Variants in ALG8 observed in about 807,000 individuals in gnomAD.
ALG8 encodes the protein dolichyl pyrophosphate Glc1Man9GlcNAc2 alpha-1,3-glucosyltransferase.
A neutral mutation model predicts 70.2 loss-of-function variants in ALG8; 48 were observed. The ratio of observed to expected loss-of-function variants is 0.68; its 90% CI spans 0.54 to 0.87. The LOEUF (loss-of-function observed/expected upper bound fraction) is 0.87. ALG8 is among the 40% of genes least tolerant of loss of function. ALG8 has a pLI of 0.00. For missense variants in ALG8, 572 were observed against 608.7 expected (o/e 0.94, Z 0.64); for synonymous variants, 234 against 229.0 (o/e 1.02, Z -0.20).
At position 78,114,410 on chromosome 11, in the gene ALG8, GA is replaced by G; in HGVS notation, c.547-19del. On this transcript the variant is annotated intron_variant, in intron 5 of 12. Coordinates refer to ENST00000299626, the MANE Select transcript of ALG8 (RefSeq NM_024079.5). Reference sequence around the variant, plus strand: ...TGCCTTTTCTAGGAGATTTAAAAGGGAAATATCACTTTAAAATTCAGGGTAA... The same window carrying G: ...TGCCTTTTCTAGGAGATTTAAAAGGGAATATCACTTTAAAATTCAGGGTAA... 6.2e-7 allele frequency: 1 copy of G among 1,613,096 alleles called. No individual in the cohort carries two copies.
chr11:78,116,904 T>C (rs573085902), intron 5 of ALG8, among the ~76,000 whole-genome samples: 1 of 152,292 alleles, frequency 6.6e-6, no homozygotes, highest in Admixed American at 6.5e-5. Flanking sequence ...AGAGTGGGAA[T>C]GCTTCTAGGT....
chr11:78,124,272 G>A, intron 2 of ALG8, 58 bp from the exon 3 acceptor site: 2 of 1,560,622 alleles, frequency 1.3e-6, no homozygotes, highest in Non-Finnish European at 1.8e-6. Flanking sequence ...CAAAGATGGT[G>A]CAACGATTTA....
At chr11:78,118,018 C>G (rs1002641130) in intron 5 of ALG8, among the ~76,000 whole-genome samples, 1 of 150,386 alleles carries the variant, frequency 6.6e-6, no homozygotes, top group Non-Finnish European at 1.5e-5. Flanking sequence ...TTGCAGTGAG[C>G]CAAGATCGCG....
At chr11:78,116,198 A>G (rs1268228244) in intron 5 of ALG8, among the ~76,000 whole-genome samples, 1 of 152,106 alleles carries the variant, frequency 6.6e-6, no homozygotes, top group Non-Finnish European at 1.5e-5. Context: ...TGTCTCTACT[A>G]AAAATACAAA....
intron 1 of ALG8, chr11:78,139,204 G>C: frequency 2.2e-6 from 1 of 457,706 alleles, no homozygotes; most frequent in Non-Finnish European, 4.0e-6. Context: ...AATACTGGCT[G>C]AATGGCTGTT....
chr11:78,113,919 A>G lies in ALG8; in HGVS notation c.744T>C (p.Val248=). The part of the protein sequence containing the change: ...VISLGLVVFL[V]SALSLGPFLA... ...GGAAAGGACCCAATGAAAGAGCAGAAACTAAGAAAACAACCAGTCCCAGGG... is the reference window on the plus strand; with the variant it reads ...GGAAAGGACCCAATGAAAGAGCAGAGACTAAGAAAACAACCAGTCCCAGGG... Residue 248 remains valine (V), a synonymous_variant, in exon 7 of 13, where the codon GTT becomes GTC. Coordinates refer to ENST00000299626, the MANE Select transcript of ALG8 (RefSeq NM_024079.5). The G allele has an allele frequency of 1.2e-6, 2 of 1,606,440 alleles. No homozygotes were observed. The highest frequency in any genetic ancestry group is 1.7e-6 in the Non-Finnish European group (2 of 1,176,484).
chr11:78,124,022 C>CA lies in ALG8; in HGVS notation c.366dup (p.Glu123Ter). The CA allele has an allele frequency of 6.2e-7, 1 of 1,614,110 alleles. No individual in the cohort carries two copies. The highest frequency in any genetic ancestry group is 8.5e-7 in the Non-Finnish European group (1 of 1,180,022). ...CAAAATGACATGCTCCAGACTTACT[C>CA]ACGGACAGCATACACAAAGAGTACA... On this transcript the variant is annotated frameshift_variant and splice_region_variant, in exon 3 of 13. Transcript: ENST00000299626. LOFTEE classifies it high-confidence loss of function.
At chr11:78,104,747 T>C (rs1241520556) in intron 10 of ALG8, among the ~76,000 whole-genome samples, 1 of 152,158 alleles carries the variant, frequency 6.6e-6, no homozygotes, top group Non-Finnish European at 1.5e-5. Flanking sequence ...GAGGATCACC[T>C]GAGGTCAGGA....
intron 1 of ALG8, among the ~76,000 whole-genome samples, chr11:78,134,217 A>C (rs1357135858): frequency 1.3e-5 from 2 of 151,076 alleles, no homozygotes; most frequent in African/African-American, 4.9e-5. Flanking sequence ...GGCTCACTAC[A>C]ACCTTCGCCT....
chr11:78,102,658 A>G (rs1859843886), intron 12 of ALG8, among the ~76,000 whole-genome samples: 1 of 152,194 alleles, frequency 6.6e-6, no homozygotes, highest in Admixed American at 6.5e-5. Context: ...GCAAGCTTTA[A>G]AAAATTACAG....
Position 78,139,498 on chromosome 11 carries a change from T to G in ALG8, c.91A>C (p.Thr31Pro), listed in dbSNP as rs1861703050. The change falls in exon 1 of 13, where the codon ACA becomes CCA. Residue 31 changes from threonine (T) to proline (P), a missense_variant. Physicochemically the swap from Thr to Pro is conservative, Grantham distance 38. Transcript: ENST00000299626. ...CTGGCCGTGCGAGTCCCTTACTATG[T>G]GGGGATGAGAAGGCATTTGAGAAGA... is the stretch of plus-strand genomic sequence containing the variant. ...VTLLKCLLIPTYHSTDFEVHR... is the reference protein window; with the variant it reads ...VTLLKCLLIPPYHSTDFEVHR... The G allele has an allele frequency of 6.4e-7, 1 of 1,558,020 alleles. No individual in the cohort carries two copies. The highest frequency in any genetic ancestry group is 1.9e-5 in the Admixed American group (1 of 51,740).
At position 78,101,996 on chromosome 11, in the gene ALG8, C is replaced by T. The variant is rs530209427; in HGVS notation, c.1350-801G>A. ...AGCTGGGATTACAGGCGCCTGCCAC[C>T]ATGCCCAGCTAATTTTTGTATTTTC... is the stretch of plus-strand genomic sequence containing the variant. On this transcript the variant is annotated intron_variant, in intron 12 of 12. Coordinates refer to ENST00000299626, the MANE Select transcript of ALG8 (RefSeq NM_024079.5). 9.2e-5 allele frequency among the ~76,000 whole-genome samples: 14 copies of T among 152,340 alleles called. No homozygotes were observed. The South Asian group carries it at 2.9e-3, about 32-fold the overall frequency.
rs759952142 is a variant in ALG8, at chr11:78,101,221, T to G, written c.1350-26A>C. 2.5e-6 allele frequency: 4 copies of G among 1,573,714 alleles called. No individual in the cohort carries two copies. In the South Asian group the frequency reaches 3.4e-5, roughly 13 times the overall value. On this transcript the variant is annotated intron_variant, in intron 12 of 12. Transcript: ENST00000299626. ...CTGAAGGAAAAAAGAGAGAAAAGTCTGATTTTAGATGAGTCATCCTGGTTT... is the reference window on the plus strand; with the variant it reads ...CTGAAGGAAAAAAGAGAGAAAAGTCGGATTTTAGATGAGTCATCCTGGTTT...
At chr11:78,112,073 C>T (rs1415657037) in intron 8 of ALG8, among the ~76,000 whole-genome samples, 6 of 151,996 alleles carry the variant, frequency 3.9e-5, no homozygotes, top group African/African-American at 1.4e-4. Context: ...GAAGTTTGAT[C>T]CCACTCTGGG....
chr11:78,124,457 C>T (rs978166655), intron 2 of ALG8, among the ~76,000 whole-genome samples: 35 of 152,080 alleles, frequency 2.3e-4, no homozygotes, highest in Non-Finnish European at 4.6e-4. Context: ...TAAAAACAAA[C>T]GAACAAAAAT....
At chr11:78,125,022 C>CTAAT (rs1398848758) in intron 2 of ALG8, among the ~76,000 whole-genome samples, 1 of 94,222 alleles carries the variant, frequency 1.1e-5, no homozygotes, top group Admixed American at 8.7e-5. Flanking sequence ...TTAGATTTCT[C>CTAAT]TCTCAGTTTT....
rs1174378754 is a variant in ALG8 at position 78,130,348 on chromosome 11, C to CAAAAAAA, written c.96-2919_96-2913dup. Among the ~76,000 whole-genome samples the CAAAAAAA allele has an allele frequency of 1.6e-3, 78 of 49,150 alleles. 6 individuals carry two copies. The highest frequency in any genetic ancestry group is 3.4e-3 in the African/African-American group (29 of 8,524). The allele number at this position is 49,150 out of a possible 152,430, so 32.2% of individuals were successfully genotyped here. On this transcript the variant is annotated intron_variant, in intron 1 of 12. Transcript: ENST00000299626. ...TGGGAGACAGAGCAAGACCCGGTCTCAAAAAAAAAAAAAAAAAAAGGTGAG... is the reference window on the plus strand; with the variant it reads ...TGGGAGACAGAGCAAGACCCGGTCTCAAAAAAAAAAAAAAAAAAAAAAAAAAGGTGAG...
intron 9 of ALG8, among the ~76,000 whole-genome samples, chr11:78,108,902 T>C (rs1183292266): frequency 6.6e-6 from 1 of 152,202 alleles, no homozygotes; most frequent in Non-Finnish European, 1.5e-5. Context: ...GTCACTGCAA[T>C]CACTAATGAA....
chr11:78,101,945 G>A (rs181197366), intron 12 of ALG8, among the ~76,000 whole-genome samples: 2,967 of 152,270 alleles, frequency 0.019, 108 homozygotes, highest in African/African-American at 0.068. Flanking sequence ...GGGTTCAAGC[G>A]ATTCTCTTGC....
Sources: allele counts gnomAD v4.1 joint callset (sites outside exome capture counted in the v4.1 genomes callset), GRCh38; gene constraint gnomAD v4.1.1; transcripts MANE v1.5; gene names NCBI Gene and HGNC (gene_info 2026-07-23, HGNC 2026-07-21).